The following BCR variants were observed in gnomAD, a reference collection of about 807,000 sequenced individuals.
The protein encoded by BCR is breakpoint cluster region protein.
In BCR, 58 loss-of-function variants were observed where a neutral mutation model predicts 138.6. The ratio of observed to expected loss-of-function variants is 0.42; its 90% CI spans 0.34 to 0.52. BCR has a LOEUF of 0.52. BCR is among the 20% of genes least tolerant of loss of function. The pLI, the probability that BCR is intolerant of heterozygous loss-of-function variation, is 0.06. For synonymous variants in BCR, 786 were observed against 730.1 expected, an observed-to-expected ratio of 1.08 and a Z score of -1.23; for missense variants, 1,599 against 1,727.2, an observed-to-expected ratio of 0.93 and a Z score of 1.32.
intron 16 of BCR, among the ~76,000 whole-genome samples, chr22:23,308,828 G>T (rs2073976462): frequency 1.3e-5 from 2 of 152,210 alleles, no homozygotes; most frequent in South Asian, 4.1e-4. Flanking sequence ...TAGCTGTCTG[G>T]ATAGTGCCGG....
At chr22:23,236,629 C>T (rs1173039044) in intron 1 of BCR, among the ~76,000 whole-genome samples, 3 of 152,206 alleles carry the variant, frequency 2.0e-5, no homozygotes, top group Non-Finnish European at 4.4e-5. Flanking sequence ...TCTGGGTTCC[C>T]CTCATGAGGA....
At chr22:23,220,134 C>T (rs967147387) in intron 1 of BCR, among the ~76,000 whole-genome samples, 6 of 152,174 alleles carry the variant, frequency 3.9e-5, no homozygotes, top group African/African-American at 7.2e-5. Flanking sequence ...GCAGAGCATG[C>T]GGGGGTCCTG....
chr22:23,207,332 G>A (rs910991313), intron 1 of BCR, among the ~76,000 whole-genome samples: 1 of 152,160 alleles, frequency 6.6e-6, no homozygotes, highest in African/African-American at 2.4e-5. Context: ...TGGCCCATTA[G>A]TTGGATCTTG....
At chr22:23,306,031 C>T (rs981749195) in intron 16 of BCR, 1 of 152,264 alleles carries the variant, frequency 6.6e-6, no homozygotes, top group Non-Finnish European at 1.5e-5. Context: ...AGCTGAGGCA[C>T]AGGCCTCATT....
At chr22:23,201,772 A>G (rs1201547962) in intron 1 of BCR, among the ~76,000 whole-genome samples, 1 of 152,042 alleles carries the variant, frequency 6.6e-6, no homozygotes, top group Non-Finnish European at 1.5e-5. Flanking sequence ...GGTTTTTTGA[A>G]AAGCTCCCTG....
At chr22:23,212,323 T>C (rs1388824343) in intron 1 of BCR, among the ~76,000 whole-genome samples, 2 of 152,092 alleles carry the variant, frequency 1.3e-5, no homozygotes, top group African/African-American at 4.8e-5. Context: ...TGGGCTGTGG[T>C]CAAAGTGGGA....
At position 23,316,185 on chromosome 22, in the gene BCR, AG is replaced by A. The variant is rs2074069950; in HGVS notation, c.*667del. 8.4e-6 allele frequency: 1 copy of A among 119,174 alleles called. No individual in the cohort carries two copies. Among genetic ancestry groups the A allele is most frequent in the African/African-American group, 5.2e-5 (1 of 19,368 alleles). The allele number at this position is 119,174 out of a possible 1,614,324, so 7.4% of individuals were successfully genotyped here. On this transcript the variant is annotated 3_prime_UTR_variant, in exon 23 of 23. Coordinates refer to ENST00000305877, the MANE Select transcript of BCR (RefSeq NM_004327.4). ...CAGCTCAGAAGGCCTGTGAAATGTC[AG>A]GGGACAGGACCCCCAGGGAGGGAAC...
intron 1 of BCR, among the ~76,000 whole-genome samples, chr22:23,194,004 C>T (rs1161587181): frequency 6.6e-6 from 1 of 152,218 alleles, no homozygotes; most frequent in Non-Finnish European, 1.5e-5. Context: ...AGTTCTCTGT[C>T]CCTGAGGCAC....
intron 13 of BCR, chr22:23,290,088 G>T: frequency 1.8e-6 from 1 of 569,558 alleles, no homozygotes; most frequent in Non-Finnish European, 3.2e-6. Context: ...GACCCCCTCT[G>T]CTGTCCTTGG....
At chr22:23,185,680 A>G (rs1166703802) in intron 1 of BCR, among the ~76,000 whole-genome samples, 1 of 149,054 alleles carries the variant, frequency 6.7e-6, no homozygotes, top group Non-Finnish European at 1.5e-5. Context: ...AACAAACAAA[A>G]AACTATGCGG....
At chr22:23,253,759 T>G (rs563008753) in intron 1 of BCR, 40 bp from the exon 2 acceptor site, 1 of 1,577,486 alleles carries the variant, frequency 6.3e-7, no homozygotes, top group East Asian at 2.3e-5. Flanking sequence ...GGATGCTCCC[T>G]TCTCTGTCTC....
intron 1 of BCR, among the ~76,000 whole-genome samples, chr22:23,204,111 C>T (rs2072585330): frequency 6.6e-6 from 1 of 152,148 alleles, no homozygotes; most frequent in Non-Finnish European, 1.5e-5. Flanking sequence ...GGAATGGCCC[C>T]TTCTTCAGCA....
chr22:23,231,447 T>C (rs1299236472), intron 1 of BCR, among the ~76,000 whole-genome samples: 5 of 151,314 alleles, frequency 3.3e-5, no homozygotes, highest in Non-Finnish European at 7.4e-5. Flanking sequence ...TTTGAGGCAA[T>C]GGTGAGCCAT....
chr22:23,245,139 G>C (rs1195317429), intron 1 of BCR, among the ~76,000 whole-genome samples: 3 of 152,210 alleles, frequency 2.0e-5, no homozygotes, highest in Non-Finnish European at 4.4e-5. Flanking sequence ...AGCAGGCAGA[G>C]CTGTCAGGGC....
chr22:23,208,619 G>A (rs1022351976), intron 1 of BCR, among the ~76,000 whole-genome samples: 3 of 152,214 alleles, frequency 2.0e-5, no homozygotes, highest in Non-Finnish European at 4.4e-5. Context: ...TTGGGAGTTC[G>A]AGGCGGGCAG....
At chr22:23,304,706 T>A (rs888840767) in intron 16 of BCR, among the ~76,000 whole-genome samples, 3 of 152,224 alleles carry the variant, frequency 2.0e-5, no homozygotes, top group Non-Finnish European at 4.4e-5. Flanking sequence ...TGAAAGCCCA[T>A]TTCTCTACAT....
chr22:23,239,424 C>T (rs1446771702), intron 1 of BCR, among the ~76,000 whole-genome samples: 1 of 152,154 alleles, frequency 6.6e-6, no homozygotes, highest in Non-Finnish European at 1.5e-5. Context: ...AGCACGGATA[C>T]ATTGTGTGGC....
chr22:23,219,605 C>A (rs1284059390), intron 1 of BCR, among the ~76,000 whole-genome samples: 1 of 152,218 alleles, frequency 6.6e-6, no homozygotes, highest in African/African-American at 2.4e-5. Context: ...CTCAGGCAGG[C>A]AGGTGTGCAG....
intron 1 of BCR, among the ~76,000 whole-genome samples, chr22:23,197,868 C>T (rs543260419): frequency 6.6e-6 from 1 of 151,800 alleles, no homozygotes; most frequent in East Asian, 1.9e-4. Context: ...TGAGCTGATT[C>T]TGGGGAGGGG....
Sources: allele counts gnomAD v4.1 joint callset (sites outside exome capture counted in the v4.1 genomes callset), GRCh38; gene constraint gnomAD v4.1.1; transcripts MANE v1.5; gene names NCBI Gene and HGNC (gene_info 2026-07-23, HGNC 2026-07-21).